The following PROM1 variants were observed in gnomAD, a reference collection of about 807,000 sequenced individuals.
The protein encoded by PROM1 is prominin 1, also known as prominin-1.
In PROM1, 105 loss-of-function variants were observed where a neutral mutation model predicts 116.9. The observed-to-expected ratio is 0.90, with a 90% CI of 0.77 to 1.06. The LOEUF (loss-of-function observed/expected upper bound fraction) is 1.06. PROM1 is among the 50% of genes least tolerant of loss of function. The pLI is 0.00. For synonymous variants in PROM1, 393 were observed against 387.0 expected (o/e 1.02, Z -0.18); for missense variants, 1,122 against 1,045.2 (o/e 1.07, Z -1.01).
At chr4:16,058,686 A>T (rs1028620244) in intron 2 of PROM1, among the ~76,000 whole-genome samples, 3 of 152,102 alleles carry the variant, frequency 2.0e-5, no homozygotes, top group African/African-American at 7.2e-5. Flanking sequence ...GCATTTAAAA[A>T]CTTAGAGGAG....
chr4:16,075,439 A>T (rs1161776578), intron 2 of PROM1, among the ~76,000 whole-genome samples: 1 of 152,190 alleles, frequency 6.6e-6, no homozygotes, highest in Non-Finnish European at 1.5e-5. Context: ...ACCAAGCAAA[A>T]CAAAAGGTAA....
At chr4:16,005,460 T>A (rs1248228616) in intron 13 of PROM1, among the ~76,000 whole-genome samples, 1 of 151,502 alleles carries the variant, frequency 6.6e-6, no homozygotes, top group Non-Finnish European at 1.5e-5. Context: ...AAGCCTGATT[T>A]ATTGTTCCAG....
chr4:15,993,840 C>T (rs943882476), intron 16 of PROM1, 147 bp downstream of exon 16: 2 of 1,403,124 alleles, frequency 1.4e-6, no homozygotes, highest in African/African-American at 2.9e-5. Flanking sequence ...GTGAAGGTTA[C>T]ACAGCCATGT....
chr4:15,993,952 T>C (rs1721673951), intron 16 of PROM1, 35 bp downstream of exon 16: 1 of 1,590,482 alleles, frequency 6.3e-7, no homozygotes, highest in East Asian at 2.2e-5. Context: ...GGTGAAGGAA[T>C]GTGTTATGTC....
intron 2 of PROM1, among the ~76,000 whole-genome samples, chr4:16,068,481 T>C (rs1351538313): frequency 1.3e-5 from 2 of 152,218 alleles, no homozygotes; most frequent in Non-Finnish European, 2.9e-5. Context: ...CAGTTATTTC[T>C]CTATTGCTCT....
At chr4:16,047,512 A>G (rs1192687920) in intron 2 of PROM1, among the ~76,000 whole-genome samples, 1 of 152,148 alleles carries the variant, frequency 6.6e-6, no homozygotes, top group Non-Finnish European at 1.5e-5. Context: ...GCAGGTACTT[A>G]CAGTGTCTGG....
At chr4:16,046,542 T>C (rs1736587981) in intron 2 of PROM1, among the ~76,000 whole-genome samples, 1 of 152,260 alleles carries the variant, frequency 6.6e-6, no homozygotes, top group South Asian at 2.1e-4. Context: ...GCCAATTCAT[T>C]GCCTGAAAAT....
At chr4:15,978,051 G>A (rs1226825720) in intron 26 of PROM1, among the ~76,000 whole-genome samples, 1 of 152,116 alleles carries the variant, frequency 6.6e-6, no homozygotes, top group African/African-American at 2.4e-5. Flanking sequence ...TTAGAGAATA[G>A]ACCCCAAGGA....
chr4:15,992,381 C>T lies in PROM1; in HGVS notation c.1778G>A (p.Ser593Asn), dbSNP rs1371269052. 3.1e-6 allele frequency: 5 copies of T among 1,612,896 alleles called. No individual in the cohort carries two copies. The highest frequency in any genetic ancestry group is 1.7e-5 in the Admixed American group (1 of 59,904). ...EHLNINEHTG[S>N]ISSELESLKV... ...CAGACTTTCCAATTCACTGCTTATG[C>T]TTCCAGTATGCTGCGAAAAAAGGAA... Residue 593 changes from serine (S) to asparagine (N), a missense_variant, in exon 17 of 28, where the codon AGC (serine) becomes AAC (asparagine). By Grantham distance (46) the Ser-to-Asn change is conservative. Transcript: ENST00000447510.
At chr4:16,033,839 C>T (rs1047934476) in intron 4 of PROM1, among the ~76,000 whole-genome samples, 12 of 151,614 alleles carry the variant, frequency 7.9e-5, no homozygotes, top group African/African-American at 2.7e-4. Flanking sequence ...TGTAAGCCAC[C>T]GCACCTGGCC....
At chr4:16,025,061 TA>T (rs1560514750) in intron 6 of PROM1, 130 bp downstream of exon 6, 5 of 1,149,970 alleles carry the variant, frequency 4.3e-6, no homozygotes, top group Non-Finnish European at 6.1e-6. Flanking sequence ...TCCAGGACAT[TA>T]ACAGATAACA....
chr4:15,980,672 A>G, intron 23 of PROM1, 135 bp from the exon 24 acceptor site: 1 of 655,166 alleles, frequency 1.5e-6, no homozygotes, highest in South Asian at 2.0e-5. Context: ...CTTTAAAACA[A>G]TTTGAGAATG....
In PROM1 at chr4:16,075,770, G is replaced by C; in HGVS notation, c.137C>G (p.Ser46Cys). 1 of 1,613,838 alleles carries C rather than the reference G, an allele frequency of 6.2e-7. No individual in the cohort carries two copies. Among genetic ancestry groups the C allele is most frequent in the Non-Finnish European group, 8.5e-7 (1 of 1,179,854 alleles). Residue 46 changes from serine (S) to cysteine (C), a missense_variant, in exon 2 of 28, where the codon TCC (serine) becomes TGC (cysteine). Physicochemically the swap from Ser to Cys is moderately radical, Grantham distance 112. Transcript: ENST00000447510. Reference protein sequence around the residue: ...LPATNYETQDSHKAGPIGILF... With the variant: ...LPATNYETQDCHKAGPIGILF... ...AATGCCAATGGGTCCAGCTTTATGG[G>C]AGTCTTGGGTCTCATAATTTGTTGC... is the stretch of plus-strand genomic sequence containing the variant.
chr4:16,068,475 T>C (rs560427450), intron 2 of PROM1, among the ~76,000 whole-genome samples: 1 of 152,310 alleles, frequency 6.6e-6, no homozygotes, highest in Non-Finnish European at 1.5e-5. Context: ...TGTAACCAGT[T>C]ATTTCTCTAT....
chr4:15,983,594 G>C (rs1718529188), intron 23 of PROM1, among the ~76,000 whole-genome samples: 1 of 152,136 alleles, frequency 6.6e-6, no homozygotes, highest in African/African-American at 2.4e-5. Flanking sequence ...GCCCTAAGGT[G>C]GGGAAATTGA....
chr4:16,008,210 G>A (rs1295877596), intron 12 of PROM1, among the ~76,000 whole-genome samples: 1 of 152,210 alleles, frequency 6.6e-6, no homozygotes, highest in Non-Finnish European at 1.5e-5. Context: ...ATAAAGGGTT[G>A]CTGAGCTCTT....
rs779072238 is a variant in PROM1 at position 16,006,615 on chromosome 4, G to A, written c.1377C>T (p.Gly459=). The A allele has an allele frequency of 1.7e-5, 28 of 1,611,018 alleles. No homozygotes were observed. In the Middle Eastern group the frequency reaches 5.0e-4, roughly 29 times the overall value. ...VIFYYLGLLC[G]VCGYDRHATP... ...TGGCATGCCTGTCATAGCCGCACAC[G>A]CCACACAGTAAGCCCAGGTAGTAAA... is the stretch of plus-strand genomic sequence containing the variant. Residue 459 remains glycine, a synonymous_variant, in exon 13 of 28, where the codon GGC becomes GGT. Transcript: ENST00000447510.
At chr4:16,029,269 T>C (rs1023309906) in intron 5 of PROM1, among the ~76,000 whole-genome samples, 41 of 152,226 alleles carry the variant, frequency 2.7e-4, no homozygotes, top group African/African-American at 8.9e-4. Context: ...TTCCTGAAAA[T>C]GACTGGAATT....
At chr4:16,007,670 T>C (rs3796848) in intron 12 of PROM1, among the ~76,000 whole-genome samples, 71,342 of 152,054 alleles carry the variant, frequency 0.47, 16,919 homozygotes, top group Admixed American at 0.53. Context: ...TTAAGATAAG[T>C]TCATAGTGTC....
Sources: allele counts gnomAD v4.1 joint callset (sites outside exome capture counted in the v4.1 genomes callset), GRCh38; gene constraint gnomAD v4.1.1; transcripts MANE v1.5; gene names NCBI Gene and HGNC (gene_info 2026-07-23, HGNC 2026-07-21).